FOXA3: variants seen among roughly 807,000 people sequenced by gnomAD.
FOXA3 encodes hepatocyte nuclear factor 3-gamma.
Under a neutral mutation model 16.9 loss-of-function variants are expected in FOXA3, and 11 were observed. The observed-to-expected ratio is 0.65, with a 90% CI of 0.41 to 1.08. The LOEUF (loss-of-function observed/expected upper bound fraction) is 1.08, where lower values mean the gene tolerates loss of function less well. FOXA3 is among the 50% of genes least tolerant of loss of function. FOXA3 has a pLI of 0.00. For synonymous variants in FOXA3, 217 were observed against 203.3 expected (o/e 1.07, Z -0.57); for missense variants, 423 against 470.1 (o/e 0.90, Z 0.93).
chr19:45,865,672 C>G (rs1972078109), intron 1 of FOXA3, among the ~76,000 whole-genome samples: 1 of 151,928 alleles, frequency 6.6e-6, no homozygotes, highest in Non-Finnish European at 1.5e-5. Flanking sequence ...AGTCTTGGGT[C>G]TGGGGCTCGA....
intron 1 of FOXA3, among the ~76,000 whole-genome samples, chr19:45,867,975 T>G (rs1600548762): frequency 2.3e-5 from 3 of 132,298 alleles, no homozygotes; most frequent in Admixed American, 7.9e-5. Context: ...TCGGGAGGGG[T>G]CGAGGGTGGG....
chr19:45,873,222 C>A lies in FOXA3; in HGVS notation c.*164C>A. 1 of 1,131,914 alleles carries A rather than the reference C, an allele frequency of 8.8e-7. No individual in the cohort carries two copies. Among genetic ancestry groups the A allele is most frequent in the Non-Finnish European group, 1.2e-6 (1 of 801,676 alleles). The allele number at this position is 1,131,914 out of a possible 1,614,324, so 70.1% of individuals were successfully genotyped here. ...TCTCAGTGGGCATGGTGTTGATCCA[C>A]GGGGTACTGTGATAACCACCATGGA... On this transcript the variant is annotated 3_prime_UTR_variant, in exon 2 of 2. Coordinates refer to ENST00000302177, the MANE Select transcript of FOXA3 (RefSeq NM_004497.3).
intron 1 of FOXA3, among the ~76,000 whole-genome samples, chr19:45,867,859 G>T (rs1039493308): frequency 6.6e-6 from 1 of 151,128 alleles, no homozygotes; most frequent in Non-Finnish European, 1.5e-5. Flanking sequence ...GGGGAGTGGG[G>T]TAGAGTCGGA....
intron 1 of FOXA3, among the ~76,000 whole-genome samples, chr19:45,865,698 C>T (rs1282491261): frequency 3.3e-5 from 5 of 151,946 alleles, no homozygotes; most frequent in Non-Finnish European, 1.5e-5. Flanking sequence ...TAGGGTGGGA[C>T]TCCTGGATCC....
chr19:45,864,795 G>C (rs1451440833), intron 1 of FOXA3, among the ~76,000 whole-genome samples: 2 of 152,150 alleles, frequency 1.3e-5, no homozygotes, highest in African/African-American at 2.4e-5. Flanking sequence ...CCTTAAACTT[G>C]GGAGCCGGGT....
chr19:45,866,227 C>T (rs1285860789), intron 1 of FOXA3, among the ~76,000 whole-genome samples: 1 of 151,876 alleles, frequency 6.6e-6, no homozygotes, highest in African/African-American at 2.4e-5. Flanking sequence ...GCCTGGGCAA[C>T]ATAGGGAGAC....
At chr19:45,871,154 C>T (rs1324052252) in intron 1 of FOXA3, among the ~76,000 whole-genome samples, 1 of 152,042 alleles carries the variant, frequency 6.6e-6, no homozygotes, top group African/African-American at 2.4e-5. Context: ...TCTACGTTTA[C>T]AGTATTTACA....
Position 45,872,255 on chromosome 19 carries a change from A to G in FOXA3, c.250A>G (p.Ser84Gly), listed in dbSNP as rs377068089. Residue 84 changes from serine (S) to glycine (G), a missense_variant, in exon 2 of 2, where the codon AGC becomes GGC. Physicochemically the swap from Ser to Gly is moderately conservative, Grantham distance 56 (BLOSUM62 0). Around this residue, in one of 3 missense-constraint regions of FOXA3, gnomAD observed 170 missense variants for 153.9 expected, o/e 1.10. Transcript: ENST00000302177. The surrounding 1 kb of genome is among the most constrained non-coding windows in gnomAD (Gnocchi z 4.5). ...LGPTFPGLGV[S>G]GGSSSSGYGA... The stretch of plus-strand genomic sequence containing the variant: ...GCCCACTTTCCCAGGCCTGGGTGTC[A>G]GCGGTGGCAGCAGCAGCTCCGGGTA... The G allele has an allele frequency of 1.2e-6, 2 of 1,609,954 alleles. No individual in the cohort carries two copies. Among genetic ancestry groups the G allele is most frequent in the Non-Finnish European group, 1.7e-6 (2 of 1,176,970 alleles).
At chr19:45,868,355 G>A (rs1972105424) in intron 1 of FOXA3, among the ~76,000 whole-genome samples, 1 of 152,090 alleles carries the variant, frequency 6.6e-6, no homozygotes, top group Non-Finnish European at 1.5e-5. Flanking sequence ...CGAGGCAGGA[G>A]GATCACCTGA....
chr19:45,871,734 GAA>G (rs141760159), intron 1 of FOXA3, among the ~76,000 whole-genome samples: 284 of 149,084 alleles, frequency 1.9e-3, no homozygotes, highest in African/African-American at 6.5e-3. Flanking sequence ...ACTCTGCCTC[GAA>G]AAAAAAAATA....
At chr19:45,864,682 G>A (rs1972063548) in intron 1 of FOXA3, among the ~76,000 whole-genome samples, 157 bp downstream of exon 1, 1 of 152,126 alleles carries the variant, frequency 6.6e-6, no homozygotes, top group East Asian at 1.9e-4. Flanking sequence ...TGGAAGTCGG[G>A]GACCGGGGAC....
Position 45,873,154 on chromosome 19 carries a change from G to A in FOXA3, c.*96G>A. On this transcript the variant is annotated 3_prime_UTR_variant, in exon 2 of 2. Coordinates refer to ENST00000302177, the MANE Select transcript of FOXA3 (RefSeq NM_004497.3). The stretch of plus-strand genomic sequence containing the variant: ...TGGTGACACTTCACTTGTCCCATTG[G>A]TTAACATCTGGGTGGGTCTATTACT... The A allele has an allele frequency of 1.3e-6, 2 of 1,534,406 alleles. No individual in the cohort carries two copies. The highest frequency in any genetic ancestry group is 1.2e-5 in the South Asian group (1 of 81,932).
chr19:45,871,965 T>A (rs1478609341), intron 1 of FOXA3, 110 bp from the exon 2 acceptor site: 1 of 1,104,672 alleles, frequency 9.1e-7, no homozygotes, highest in Non-Finnish European at 1.3e-6. Flanking sequence ...TGGAAGGGAT[T>A]TGTAGAGAAG....
At position 45,873,032 on chromosome 19, in the gene FOXA3, T is replaced by TC; in HGVS notation, c.1030dup (p.Arg344ProfsTer5). ...TGGAGTCTACTACCAGGGCCTCTATTCCCGCTCTTTGCTTAATGCATCCTA... is the reference window on the plus strand; with the variant it reads ...TGGAGTCTACTACCAGGGCCTCTATTCCCCGCTCTTTGCTTAATGCATCCTA... On this transcript the variant is annotated frameshift_variant, in exon 2 of 2. Transcript: ENST00000302177. LOFTEE classifies it high-confidence loss of function. The TC allele has an allele frequency of 1.2e-6, 2 of 1,604,548 alleles. No individual in the cohort carries two copies. The highest frequency in any genetic ancestry group is 1.7e-6 in the Non-Finnish European group (2 of 1,175,188).
rs992725912 is a variant in FOXA3 at position 45,873,174 on chromosome 19, A to G, written c.*116A>G. On this transcript the variant is annotated 3_prime_UTR_variant, in exon 2 of 2. Coordinates refer to ENST00000302177, the MANE Select transcript of FOXA3 (RefSeq NM_004497.3). Reference sequence around the variant, plus strand: ...CATTGGTTAACATCTGGGTGGGTCTATTACTTACTGTGATGACTGCTGTCT... The same window carrying G: ...CATTGGTTAACATCTGGGTGGGTCTGTTACTTACTGTGATGACTGCTGTCT... 8.8e-6 allele frequency: 13 copies of G among 1,477,688 alleles called. No homozygotes were observed. The highest frequency in any genetic ancestry group is 2.6e-5 in the South Asian group (2 of 77,770). The allele number at this position is 1,477,688 out of a possible 1,614,324, so 91.5% of individuals were successfully genotyped here. A position where few individuals can be genotyped will look rare whatever the true frequency, so the allele number is the denominator to read the frequency against.
chr19:45,872,086 G>A lies in FOXA3; in HGVS notation c.81G>A (p.Pro27=), dbSNP rs143578664. Residue 27 remains proline, a synonymous_variant, in exon 2 of 2, where the codon CCG becomes CCA. Transcript: ENST00000302177. The surrounding 1 kb of genome is among the most constrained non-coding windows in gnomAD (Gnocchi z 4.5). Reference sequence around the variant, plus strand: ...CATCTTTCCCCTAGGTCTACTCGCCGGTGACCCCAGTGCCCACCATGGCCC... The same window carrying A: ...CATCTTTCCCCTAGGTCTACTCGCCAGTGACCCCAGTGCCCACCATGGCCC... ...YYPEAGEVYS[P]VTPVPTMAPL... The A allele has an allele frequency of 1.6e-4, 250 of 1,610,160 alleles. 2 individuals are homozygous for A. The South Asian group carries it at 2.0e-3, about 13-fold the overall frequency.
intron 1 of FOXA3, among the ~76,000 whole-genome samples, chr19:45,868,578 A>T (rs796863836): frequency 3.4e-4 from 24 of 71,194 alleles, no homozygotes; most frequent in African/African-American, 9.5e-4. Context: ...AGACTCTCTT[A>T]AAAAAAAAAA....
At chr19:45,865,200 C>T (rs902930033) in intron 1 of FOXA3, among the ~76,000 whole-genome samples, 1 of 151,916 alleles carries the variant, frequency 6.6e-6, no homozygotes, top group Non-Finnish European at 1.5e-5. Flanking sequence ...GGGCCGATCT[C>T]CACCCCCCCA....
At chr19:45,867,190 G>A (rs936112873) in intron 1 of FOXA3, among the ~76,000 whole-genome samples, 17 of 152,250 alleles carry the variant, frequency 1.1e-4, no homozygotes, top group Admixed American at 2.6e-4. Flanking sequence ...ATACCAGAGA[G>A]CCTGACTGGG....
Sources: allele counts gnomAD v4.1 joint callset (sites outside exome capture counted in the v4.1 genomes callset), GRCh38; gene constraint gnomAD v4.1.1; regional missense constraint gnomAD v4.1.1; non-coding constraint Gnocchi (gnomAD v3.1); transcripts MANE v1.5; gene names NCBI Gene and HGNC (gene_info 2026-07-23, HGNC 2026-07-21).